SGCD: variants seen among roughly 807,000 people sequenced by gnomAD.
The protein encoded by SGCD is delta-sarcoglycan.
SGCD carries 18 observed loss-of-function variants against 36.6 expected under a neutral mutation model. The observed-to-expected ratio is 0.49, with a 90% CI of 0.34 to 0.73. The LOEUF (loss-of-function observed/expected upper bound fraction) is 0.73. SGCD is among the 30% of genes least tolerant of loss of function. The pLI is 0.01. For missense variants in SGCD, 387 were observed against 346.7 expected, an observed-to-expected ratio of 1.12 and a Z score of -0.92; for synonymous variants, 133 against 130.6, an observed-to-expected ratio of 1.02 and a Z score of -0.12.
chr5:155,881,963 G>C (rs897394786), intron 1 of SGCD, among the ~76,000 whole-genome samples: 1 of 152,042 alleles, frequency 6.6e-6, no homozygotes, highest in African/African-American at 2.4e-5. Flanking sequence ...TAATTCTCTT[G>C]CTGTTGCTAC....
chr5:155,728,635 C>A, the SGCD span, among the ~76,000 whole-genome samples: 2 of 152,090 alleles, frequency 1.3e-5, no homozygotes, highest in African/African-American at 4.8e-5. Flanking sequence ...AGCCGCTTGG[C>A]CGGCGCCGGC....
intron 1 of SGCD, among the ~76,000 whole-genome samples, chr5:155,967,321 A>G (rs1248594984): frequency 6.6e-6 from 1 of 152,004 alleles, no homozygotes; most frequent in African/African-American, 2.4e-5. Context: ...GAAGTTCCCC[A>G]TGTCATAAGC....
chr5:156,261,681 A>AC (rs1765871112), intron 3 of SGCD, among the ~76,000 whole-genome samples: 1 of 152,154 alleles, frequency 6.6e-6, no homozygotes, highest in Non-Finnish European at 1.5e-5. Context: ...AGGAGGTATT[A>AC]CAGAGAAAGG....
intron 1 of SGCD, among the ~76,000 whole-genome samples, chr5:155,939,242 TA>T (rs1327507743): frequency 6.6e-6 from 1 of 152,202 alleles, no homozygotes; most frequent in African/African-American, 2.4e-5. Flanking sequence ...GTATGTGAGG[TA>T]ATGACTATGT....
intron 3 of SGCD, among the ~76,000 whole-genome samples, chr5:156,476,453 C>T (rs190581948): frequency 2.0e-3 from 303 of 152,220 alleles, no homozygotes; most frequent in South Asian, 1.9e-3. Context: ...TTATTTTTTA[C>T]CTGTAACAGC....
At chr5:156,341,471 A>G (rs767759552) in intron 2 of SGCD, among the ~76,000 whole-genome samples, 2 of 152,164 alleles carry the variant, frequency 1.3e-5, no homozygotes, top group African/African-American at 2.4e-5. Context: ...GATTTTTCAC[A>G]ATGTTCCACC....
At chr5:156,161,762 C>T (rs1335135872) in intron 3 of SGCD, among the ~76,000 whole-genome samples, 1 of 151,710 alleles carries the variant, frequency 6.6e-6, no homozygotes, top group Non-Finnish European at 1.5e-5. Context: ...CTTCCTGGAT[C>T]TTCCTTAATT....
chr5:156,079,342 C>T (rs769443430), intron 1 of SGCD, among the ~76,000 whole-genome samples: 3 of 152,146 alleles, frequency 2.0e-5, no homozygotes, highest in South Asian at 2.1e-4. Context: ...TATAATCAAA[C>T]CATATCATTC....
chr5:155,958,411 G>T (rs1757711214), intron 1 of SGCD, among the ~76,000 whole-genome samples: 1 of 152,076 alleles, frequency 6.6e-6, no homozygotes, highest in African/African-American at 2.4e-5. Context: ...CTAGGCATTG[G>T]CAGGCTGGGA....
At chr5:156,530,881 A>G (rs947821636) in intron 4 of SGCD, among the ~76,000 whole-genome samples, 1 of 151,986 alleles carries the variant, frequency 6.6e-6, no homozygotes, top group Non-Finnish European at 1.5e-5. Flanking sequence ...TCTGGCCGCC[A>G]TGCTTTATTT....
intron 3 of SGCD, among the ~76,000 whole-genome samples, chr5:156,500,552 G>A (rs1173481905): frequency 6.6e-6 from 1 of 152,086 alleles, no homozygotes; most frequent in Non-Finnish European, 1.5e-5. Flanking sequence ...TGATGCAGGG[G>A]GAAAATCAAA....
intron 6 of SGCD, among the ~76,000 whole-genome samples, chr5:156,628,985 T>G (rs1010534775): frequency 2.0e-5 from 3 of 152,218 alleles, no homozygotes; most frequent in African/African-American, 7.2e-5. Flanking sequence ...ACAACCCATG[T>G]AAAATTTATA....
intron 3 of SGCD, among the ~76,000 whole-genome samples, chr5:156,245,280 T>C (rs993211610): frequency 6.6e-6 from 1 of 152,210 alleles, no homozygotes; most frequent in South Asian, 2.1e-4. Flanking sequence ...GTGTTAAACA[T>C]TCTTTCTTGT....
intron 1 of SGCD, among the ~76,000 whole-genome samples, chr5:156,108,037 T>A (rs1761691516): frequency 6.6e-6 from 1 of 152,128 alleles, no homozygotes; most frequent in South Asian, 2.1e-4. Flanking sequence ...GAACATTTTA[T>A]AAAAGGAATG....
intron 1 of SGCD, among the ~76,000 whole-genome samples, chr5:156,002,628 TA>T (rs1561678951): frequency 6.6e-6 from 1 of 152,220 alleles, no homozygotes; most frequent in East Asian, 1.9e-4. Context: ...GTGACTCCTC[TA>T]TCCAACACAT....
At chr5:156,239,542 G>A (rs970625066) in intron 3 of SGCD, among the ~76,000 whole-genome samples, 2 of 151,980 alleles carry the variant, frequency 1.3e-5, no homozygotes, top group Admixed American at 6.6e-5. Context: ...TCCACTTTAA[G>A]GTTTGAGAAG....
the SGCD span, among the ~76,000 whole-genome samples, chr5:155,840,381 C>A: frequency 9.3e-5 from 14 of 149,898 alleles, no homozygotes; most frequent in Non-Finnish European, 1.3e-4. Flanking sequence ...GTAGCTGGGA[C>A]TACAGGTGCC....
At chr5:156,612,518 G>A (rs969423748) in intron 6 of SGCD, among the ~76,000 whole-genome samples, 8 of 152,244 alleles carry the variant, frequency 5.3e-5, no homozygotes, top group African/African-American at 1.4e-4. Flanking sequence ...CAGGCTGACT[G>A]TTGGACTGGA....
chr5:156,679,277 C>A (rs757238330), intron 7 of SGCD, among the ~76,000 whole-genome samples: 7 of 152,190 alleles, frequency 4.6e-5, no homozygotes, highest in Non-Finnish European at 8.8e-5. Context: ...AGACCAAGCA[C>A]CACCACTAGA....
Sources: allele counts gnomAD v4.1 joint callset (sites outside exome capture counted in the v4.1 genomes callset), GRCh38; gene constraint gnomAD v4.1.1; transcripts MANE v1.5; gene names NCBI Gene and HGNC (gene_info 2026-07-23, HGNC 2026-07-21).